Variants in TMEM184A observed in about 807,000 individuals in gnomAD.
TMEM184A encodes the protein transmembrane protein 184A.
Under a neutral mutation model 39.5 loss-of-function variants are expected in TMEM184A, and 40 were observed. The ratio of observed to expected loss-of-function variants is 1.01; its 90% CI spans 0.79 to 1.32. TMEM184A has a LOEUF of 1.32. Among genes scored for constraint, TMEM184A ranks in the 40% most tolerant of loss-of-function variants. The pLI, the probability that TMEM184A is intolerant of heterozygous loss-of-function variation, is 0.00. For synonymous variants in TMEM184A, 280 were observed against 252.3 expected, an observed-to-expected ratio of 1.11 and a Z score of -1.04; for missense variants, 603 against 568.8, an observed-to-expected ratio of 1.06 and a Z score of -0.61.
At position 1,543,944 on chromosome 7, in the gene TMEM184A, T is replaced by G. The variant is rs1784263505; in HGVS notation, c.*3008A>C. The G allele has an allele frequency of 2.0e-5, 3 of 152,244 alleles. No homozygotes were observed. The highest frequency in any genetic ancestry group is 1.3e-4 in the Admixed American group (2 of 15,268). 9.4% of individuals were successfully genotyped at this position (152,244 alleles called of 1,614,324 possible). ...CACTGCACCCGATCATAATCCCAAC[T>G]CGCAGCATCTGTGTGGCCTGGGGCC... On this transcript the variant is annotated 3_prime_UTR_variant, in exon 9 of 9. Transcript: ENST00000297477.
chr7:1,551,489 C>T (rs1294115581), intron 2 of TMEM184A, among the ~76,000 whole-genome samples: 1 of 152,224 alleles, frequency 6.6e-6, no homozygotes, highest in Non-Finnish European at 1.5e-5. Context: ...CTACAATGGG[C>T]ATCCTTATTA....
At position 1,545,063 on chromosome 7, in the gene TMEM184A, A is replaced by G. The variant is rs1404802807; in HGVS notation, c.*1889T>C. The G allele has an allele frequency of 6.6e-6, 1 of 152,132 alleles. No homozygotes were observed. Among genetic ancestry groups the G allele is most frequent in the African/African-American group, 2.4e-5 (1 of 41,422 alleles). 9.4% of individuals were successfully genotyped at this position (152,132 alleles called of 1,614,324 possible). A position where few individuals can be genotyped will look rare whatever the true frequency, so the allele number is the denominator to read the frequency against. Reference sequence around the variant, plus strand: ...CACCCTCCAAACGCAGATTTGAGCAACTTGACCCCTATCGGGGTGGCCTTC... The same window carrying G: ...CACCCTCCAAACGCAGATTTGAGCAGCTTGACCCCTATCGGGGTGGCCTTC... On this transcript the variant is annotated 3_prime_UTR_variant, in exon 9 of 9. Coordinates refer to ENST00000297477, the MANE Select transcript of TMEM184A (RefSeq NM_001097620.2).
At chr7:1,553,769 C>T (rs1169394624) in intron 2 of TMEM184A, among the ~76,000 whole-genome samples, 1 of 152,112 alleles carries the variant, frequency 6.6e-6, no homozygotes, top group Non-Finnish European at 1.5e-5. Flanking sequence ...CCTTGACAAG[C>T]CACTGTCCTC....
chr7:1,547,618 C>G (rs1562555093), intron 8 of TMEM184A, 124 bp downstream of exon 8: 2 of 1,049,972 alleles, frequency 1.9e-6, no homozygotes, highest in Non-Finnish European at 2.8e-6. Context: ...AGCCGGATGC[C>G]CTTTGCCCGT....
chr7:1,550,848 G>C lies in TMEM184A; in HGVS notation c.354C>G (p.Val118=), dbSNP rs1326521832. The C allele has an allele frequency of 1.2e-6, 2 of 1,613,472 alleles. No individual in the cohort carries two copies. The highest frequency in any genetic ancestry group is 1.3e-5 in the African/African-American group (1 of 75,066). The stretch of plus-strand genomic sequence containing the variant: ...AGCAGTCCCGCACAGAGTCGAAGTA[G>C]ACGTAGTACTGGTGGTCTCCGAGGA... ...LLLLGDHQYY[V]YFDSVRDCYE... Residue 118 remains valine (V), a synonymous_variant, in exon 3 of 9, where the codon GTC becomes GTG. Transcript: ENST00000297477.
rs1480010937 is a variant in TMEM184A at position 1,549,945 on chromosome 7, C to T, written c.553G>A (p.Ala185Thr). 1.9e-6 allele frequency: 3 copies of T among 1,612,472 alleles called. No individual in the cohort carries two copies. The highest frequency in any genetic ancestry group is 1.7e-6 in the Non-Finnish European group (2 of 1,179,574). Residue 185 changes from alanine to threonine, a missense_variant and splice_region_variant, in exon 6 of 9, where the codon GCC becomes ACC. Ala to Thr is a moderately conservative substitution (Grantham distance 58). Coordinates refer to ENST00000297477, the MANE Select transcript of TMEM184A (RefSeq NM_001097620.2). ...SIGFLRFCKQ[A>T]TLQFCLVKPV... ...TTCACCAGGCAGAACTGCAGAGTGG[C>T]CTGGGGGCGACGGCACCCGGTGGGC... is the stretch of plus-strand genomic sequence containing the variant.
At position 1,543,762 on chromosome 7, in the gene TMEM184A, G is replaced by A. The variant is rs1380533311; in HGVS notation, c.*3190C>T. The A allele has an allele frequency of 2.0e-5, 3 of 152,192 alleles. No individual in the cohort carries two copies. Among genetic ancestry groups the A allele is most frequent in the Non-Finnish European group, 4.4e-5 (3 of 68,082 alleles). The allele number at this position is 152,192 out of a possible 1,614,324, so 9.4% of individuals were successfully genotyped here. On this transcript the variant is annotated 3_prime_UTR_variant, in exon 9 of 9. Transcript: ENST00000297477. ...TCCCATCTCAGCCTCCTGAGTAGCT[G>A]GGACCGCCGGCACGCACCACCACGC...
At chr7:1,549,136 T>G in intron 6 of TMEM184A, 3 of 463,308 alleles carry the variant, frequency 6.5e-6, no homozygotes, top group Non-Finnish European at 1.3e-5. Flanking sequence ...GGGTGCGCTG[T>G]GTGTGTGCAC....
chr7:1,548,728 C>T, intron 6 of TMEM184A, 40 bp from the exon 7 acceptor site: 1 of 1,598,398 alleles, frequency 6.3e-7, no homozygotes, highest in Admixed American at 1.8e-5. Context: ...GGTCCCATGA[C>T]CCCGCCACTG....
At chr7:1,553,301 C>T (rs955487523) in intron 2 of TMEM184A, among the ~76,000 whole-genome samples, 1 of 151,976 alleles carries the variant, frequency 6.6e-6, no homozygotes, top group Admixed American at 6.6e-5. Flanking sequence ...TATAGGCGCG[C>T]ACCACCATGC....
rs558909378 is a variant in TMEM184A at position 1,551,001 on chromosome 7, G to A, written c.220-19C>T. ...GATAGATCTGGGCGCAGGAGGGGTC[G>A]CATGAGAGCCGGGCCCGCCTGGTAC... On this transcript the variant is annotated intron_variant, in intron 2 of 8. Transcript: ENST00000297477. 2.4e-5 allele frequency: 38 copies of A among 1,603,540 alleles called. No individual in the cohort carries two copies. In the East Asian group the frequency reaches 5.2e-4, roughly 22 times the overall value.
In TMEM184A at chr7:1,545,437, G is replaced by C. The variant is rs1312745751; in HGVS notation, c.*1515C>G. The C allele has an allele frequency of 6.5e-6, 1 of 152,890 alleles. No homozygotes were observed. The highest frequency in any genetic ancestry group is 2.4e-5 in the African/African-American group (1 of 41,464). The allele number at this position is 152,890 out of a possible 1,614,324, so 9.5% of individuals were successfully genotyped here. A position where few individuals can be genotyped will look rare whatever the true frequency, so the allele number is the denominator to read the frequency against. On this transcript the variant is annotated 3_prime_UTR_variant, in exon 9 of 9. Coordinates refer to ENST00000297477, the MANE Select transcript of TMEM184A (RefSeq NM_001097620.2). ...GAGTCCCTCGGAGACCCCAGGTCCC[G>C]CTGTTCCTGGTGACCGTGGCCATGG...
At chr7:1,551,922 G>A (rs936770742) in intron 2 of TMEM184A, among the ~76,000 whole-genome samples, 1 of 151,460 alleles carries the variant, frequency 6.6e-6, no homozygotes, top group Non-Finnish European at 1.5e-5. Flanking sequence ...GGGCGACAGA[G>A]CGAGACCCTT....
chr7:1,548,020 C>A (rs887918165), intron 7 of TMEM184A, 81 bp from the exon 8 acceptor site: 9 of 1,451,312 alleles, frequency 6.2e-6, no homozygotes, highest in Admixed American at 6.1e-5. Context: ...CGCAGCGGCT[C>A]CTCTGACGGG....
rs1379914914 is a variant in TMEM184A, at chr7:1,555,634, C to T, written c.1-150G>A. 5.8e-5 allele frequency: 40 copies of T among 686,384 alleles called. 1 individual carries two copies. Among genetic ancestry groups the T allele is most frequent in the Admixed American group, 3.3e-4 (14 of 42,084 alleles). 42.5% of individuals were successfully genotyped at this position (686,384 alleles called of 1,614,324 possible). A position where few individuals can be genotyped will look rare whatever the true frequency, so the allele number is the denominator to read the frequency against. On this transcript the variant is annotated intron_variant, in intron 1 of 8. Coordinates refer to ENST00000297477, the MANE Select transcript of TMEM184A (RefSeq NM_001097620.2). This position sits in a 1 kb window ranked among gnomAD's most constrained non-coding sequence, Gnocchi z 5.2. Reference sequence around the variant, plus strand: ...GCCGCACCCCCCACACGGACACCAGCGCCAGGCCCGGCTCCCTCCCTGCTC... The same window carrying T: ...GCCGCACCCCCCACACGGACACCAGTGCCAGGCCCGGCTCCCTCCCTGCTC...
Position 1,546,910 on chromosome 7 carries a change from TG to T in TMEM184A, c.*41del. ...GGGACCCTGTTCTTCCCCAGAGGCC[TG>T]GGCAGCCTGGGTCCCTACAGCACTG... is the stretch of plus-strand genomic sequence containing the variant. On this transcript the variant is annotated 3_prime_UTR_variant, in exon 9 of 9. Coordinates refer to ENST00000297477, the MANE Select transcript of TMEM184A (RefSeq NM_001097620.2). The T allele has an allele frequency of 7.3e-7, 1 of 1,372,680 alleles. No individual in the cohort carries two copies. Among genetic ancestry groups the T allele is most frequent in the South Asian group, 1.4e-5 (1 of 70,342 alleles). The allele number at this position is 1,372,680 out of a possible 1,614,324, so 85.0% of individuals were successfully genotyped here. A position where few individuals can be genotyped will look rare whatever the true frequency, so the allele number is the denominator to read the frequency against.
At chr7:1,551,744 C>T (rs1454956848) in intron 2 of TMEM184A, among the ~76,000 whole-genome samples, 1 of 152,018 alleles carries the variant, frequency 6.6e-6, no homozygotes, top group Non-Finnish European at 1.5e-5. Context: ...CAAGACCAGC[C>T]TGGCCAACAT....
chr7:1,549,386 C>T, intron 6 of TMEM184A: 1 of 391,312 alleles, frequency 2.6e-6, no homozygotes, highest in Non-Finnish European at 5.2e-6. Flanking sequence ...GGGTGGCTGC[C>T]TGTCTGTTCA....
At position 1,546,984 on chromosome 7, in the gene TMEM184A, T is replaced by C. The variant is rs1303063584; in HGVS notation, c.1210A>G (p.Lys404Glu). 6.3e-7 allele frequency: 1 copy of C among 1,594,468 alleles called. No homozygotes were observed. The highest frequency in any genetic ancestry group is 8.5e-7 in the Non-Finnish European group (1 of 1,176,096). Reference protein sequence around the residue: ...GGSRKSRSLEKRMLIPSEDL With the variant: ...GGSRKSRSLEERMLIPSEDL ...TCCTCCGAGGGGATCAGCATCCGCT[T>C]CTCCAGGCTCCGGCTCTTCCTGCTC... The change falls in exon 9 of 9, where the codon AAG (lysine) becomes GAG (glutamate). Residue 404 changes from lysine to glutamate, a missense_variant. Coordinates refer to ENST00000297477, the MANE Select transcript of TMEM184A (RefSeq NM_001097620.2).
Sources: gnomAD v4.1 joint callset for allele counts (sites outside exome capture counted in the v4.1 genomes callset) on GRCh38, gnomAD v4.1.1 for gene constraint, Gnocchi (gnomAD v3.1) non-coding constraint, MANE v1.5 for transcripts, NCBI Gene and HGNC (gene_info 2026-07-23, HGNC 2026-07-21) for gene names.